Variants in RNF6 observed in about 807,000 individuals in gnomAD.
The protein encoded by RNF6 is E3 ubiquitin-protein ligase RNF6.
A neutral mutation model predicts 50.1 loss-of-function variants in RNF6; 21 were observed. That is an observed-to-expected ratio of 0.42 (90% CI 0.30 to 0.60). RNF6 has a LOEUF of 0.60. RNF6 is among the 20% of genes least tolerant of loss of function. The probability of loss-of-function intolerance (pLI) is 0.20; values close to 1 mark genes in which losing one functional copy is unlikely to be tolerated. For missense variants in RNF6, 698 were observed against 838.2 expected (o/e 0.83, Z 2.07); for synonymous variants, 255 against 291.8 (o/e 0.87, Z 1.29).
intron 5 of RNF6, among the ~76,000 whole-genome samples, chr13:26,145,852 C>A (rs1043828368): frequency 6.6e-6 from 1 of 152,144 alleles, no homozygotes; most frequent in Non-Finnish European, 1.5e-5. Flanking sequence ...TTTCCCACCA[C>A]AATGGACCTC....
chr13:26,160,181 A>G (rs1046900511), intron 5 of RNF6, among the ~76,000 whole-genome samples: 2 of 152,214 alleles, frequency 1.3e-5, no homozygotes, highest in Admixed American at 6.5e-5. Flanking sequence ...TGTCAATTAA[A>G]GAGAATCTAC....
At chr13:26,154,416 T>C (rs1204823701) in intron 5 of RNF6, among the ~76,000 whole-genome samples, 1 of 152,104 alleles carries the variant, frequency 6.6e-6, no homozygotes, top group African/African-American at 2.4e-5. Context: ...ATGTGTAGAG[T>C]TAACATGGAA....
At chr13:26,165,112 C>G (rs1001505545) in intron 5 of RNF6, among the ~76,000 whole-genome samples, 1 of 152,156 alleles carries the variant, frequency 6.6e-6, no homozygotes, top group African/African-American at 2.4e-5. Flanking sequence ...ATGCTGTGTG[C>G]AGCCTAGGGA....
At chr13:26,150,863 A>T (rs1406881536) in intron 5 of RNF6, 1 of 152,250 alleles carries the variant, frequency 6.6e-6, no homozygotes, top group African/African-American at 2.4e-5. Flanking sequence ...CATCAAAGGT[A>T]AGAGAGTTAT....
At chr13:26,165,168 C>T (rs145519109) in intron 5 of RNF6, among the ~76,000 whole-genome samples, 4,631 of 152,186 alleles carry the variant, frequency 0.03, 96 homozygotes, top group South Asian at 0.056. Context: ...CTGAAAGGGG[C>T]CAACGTAGAA....
At chr13:26,168,519 A>G (rs1307118653) in intron 5 of RNF6, among the ~76,000 whole-genome samples, 5 of 152,188 alleles carry the variant, frequency 3.3e-5, no homozygotes, top group Non-Finnish European at 5.9e-5. Context: ...CCAACTACAT[A>G]TGCTTTTCTT....
At chr13:26,215,847 A>G (rs2137764829) in intron 4 of RNF6, among the ~76,000 whole-genome samples, 1 of 152,368 alleles carries the variant, frequency 6.6e-6, no homozygotes, top group African/African-American at 2.4e-5. Flanking sequence ...AGAAATCCTC[A>G]TTCTTACTTT....
intron 5 of RNF6, among the ~76,000 whole-genome samples, chr13:26,136,332 T>A (rs981643547): frequency 6.6e-6 from 1 of 152,210 alleles, no homozygotes; most frequent in Non-Finnish European, 1.5e-5. Context: ...TTATGTTGTT[T>A]TCTAAAATGG....
intron 5 of RNF6, among the ~76,000 whole-genome samples, chr13:26,141,920 C>T (rs1870974831): frequency 1.3e-5 from 2 of 152,068 alleles, no homozygotes; most frequent in South Asian, 2.1e-4. Context: ...GCAAAAGAAA[C>T]TATCAGAAGA....
rs749037263 is a variant in RNF6, at chr13:26,214,438, A to C, written c.1444T>G (p.Ser482Ala). Residue 482 changes from serine to alanine, a missense_variant, in exon 5 of 5, where the codon TCA (serine) becomes GCA (alanine). Transcript: ENST00000381588. ...LVEPSSVALR[S>A]ILRQIMTGFG... ...CCAGTCATGATCTGCCTTAAAATTG[A>C]CCGAAGAGCCACTGATGATGGCTCA... The C allele has an allele frequency of 6.2e-7, 1 of 1,614,162 alleles. No individual in the cohort carries two copies. Among genetic ancestry groups the C allele is most frequent in the Non-Finnish European group, 8.5e-7 (1 of 1,180,046 alleles).
intron 5 of RNF6, among the ~76,000 whole-genome samples, chr13:26,161,917 A>G (rs941949756): frequency 1.3e-5 from 2 of 152,174 alleles, no homozygotes; most frequent in African/African-American, 4.8e-5. Flanking sequence ...TCATGTTGTC[A>G]GTTGACCCAA....
At chr13:26,174,279 C>A (rs1230319187) in intron 5 of RNF6, among the ~76,000 whole-genome samples, 2 of 152,128 alleles carry the variant, frequency 1.3e-5, no homozygotes, top group African/African-American at 2.4e-5. Flanking sequence ...ACTGGCTAAG[C>A]AAGCCAGGAC....
At chr13:26,144,342 A>G (rs1020767996) in intron 5 of RNF6, among the ~76,000 whole-genome samples, 1 of 151,714 alleles carries the variant, frequency 6.6e-6, no homozygotes, top group Non-Finnish European at 1.5e-5. Flanking sequence ...TCCTTTGCTG[A>G]GGTGACCCCT....
At chr13:26,205,832 C>T (rs1051262970) in intron 5 of RNF6, among the ~76,000 whole-genome samples, 22 of 152,194 alleles carry the variant, frequency 1.4e-4, no homozygotes, top group African/African-American at 4.6e-4. Context: ...TGTCACATGT[C>T]GAAACCCTGT....
intron 5 of RNF6, among the ~76,000 whole-genome samples, chr13:26,152,343 G>A (rs1403683822): frequency 6.6e-6 from 1 of 152,158 alleles, no homozygotes. Flanking sequence ...CACGCTGCGC[G>A]CTGTGCCCAG....
At chr13:26,180,757 G>A (rs1873195861) in intron 5 of RNF6, among the ~76,000 whole-genome samples, 1 of 152,216 alleles carries the variant, frequency 6.6e-6, no homozygotes, top group Admixed American at 6.5e-5. Context: ...ATGGACTATT[G>A]GCATTTGGGA....
At chr13:26,203,245 G>A (rs1043419213) in intron 5 of RNF6, among the ~76,000 whole-genome samples, 5 of 152,218 alleles carry the variant, frequency 3.3e-5, no homozygotes, top group Non-Finnish European at 7.3e-5. Context: ...AGGATTCAGA[G>A]GAGAGCAGTG....
rs369036501 is a variant in RNF6, at chr13:26,162,388, G to C, written n.769-29937C>G. On this transcript the variant is annotated intron_variant and non_coding_transcript_variant, in intron 5 of 5. Transcript: ENST00000468480. Reference sequence around the variant, plus strand: ...AACTCTCCCTTTGTTTCTGTCTTCTGCCTCCTGAGGAAAACCTGGTACTTC... The same window carrying C: ...AACTCTCCCTTTGTTTCTGTCTTCTCCCTCCTGAGGAAAACCTGGTACTTC... Among the ~76,000 whole-genome samples the C allele has an allele frequency of 2.8e-4, 43 of 152,254 alleles. 1 individual carries two copies. The South Asian group carries it at 8.7e-3, about 31-fold the overall frequency.
At chr13:26,211,414 C>T (rs190669947), downstream of RNF6, among the ~76,000 whole-genome samples, 1 of 152,242 alleles carries the variant, frequency 6.6e-6, no homozygotes, top group East Asian at 1.9e-4. Flanking sequence ...TCCTAATTTT[C>T]CTATTGCATC....
Sources: allele counts gnomAD v4.1 joint callset (sites outside exome capture counted in the v4.1 genomes callset), GRCh38; gene constraint gnomAD v4.1.1; transcripts MANE v1.5; gene names NCBI Gene and HGNC (gene_info 2026-07-23, HGNC 2026-07-21).